The following DPP10 variants were observed in gnomAD, a reference collection of about 807,000 sequenced individuals.
The protein encoded by DPP10 is inactive dipeptidyl peptidase 10.
DPP10 carries 33 observed loss-of-function variants against 120.9 expected under a neutral mutation model. That is an observed-to-expected ratio of 0.27 (90% CI 0.21 to 0.37). DPP10 has a LOEUF of 0.37. Among genes scored for constraint, DPP10 ranks in the 10% least tolerant of loss-of-function variants. The pLI is 1.00. For missense variants in DPP10, 816 were observed against 942.8 expected (o/e 0.87, Z 1.76); for synonymous variants, 337 against 326.1 (o/e 1.03, Z -0.36).
chr2:115,313,469 G>T (rs1472676963), intron 2 of DPP10, among the ~76,000 whole-genome samples: 1 of 152,160 alleles, frequency 6.6e-6, no homozygotes, highest in Non-Finnish European at 1.5e-5. Flanking sequence ...ATGAAATATG[G>T]TGGGCTCTTT....
At chr2:115,585,231 A>G (rs2082216964) in intron 5 of DPP10, among the ~76,000 whole-genome samples, 1 of 152,192 alleles carries the variant, frequency 6.6e-6, no homozygotes, top group Admixed American at 6.5e-5. Context: ...AAGTAAATTA[A>G]TCAGTTTAGG....
intron 5 of DPP10, among the ~76,000 whole-genome samples, chr2:115,659,685 A>G (rs2088735554): frequency 6.6e-6 from 1 of 152,186 alleles, no homozygotes; most frequent in Non-Finnish European, 1.5e-5. Context: ...ATAATAAGGT[A>G]GGTTTTTGTA....
rs141966969 is a variant in DPP10 at position 115,775,090 on chromosome 2, C to T, written c.1222-2118C>T. Among the ~76,000 whole-genome samples, 11 of 151,830 alleles carry T rather than the reference C, an allele frequency of 7.2e-5. No homozygotes were observed. The East Asian group carries it at 1.2e-3, about 16-fold the overall frequency. ...GAACTAAATGAGAATACTACATATA[C>T]GAAAATATGCAATACATATAAACAA... On this transcript the variant is annotated intron_variant, in intron 13 of 25. Transcript: ENST00000410059.
chr2:115,472,721 T>C (rs1423680394), intron 3 of DPP10, among the ~76,000 whole-genome samples: 2 of 152,244 alleles, frequency 1.3e-5, no homozygotes, highest in Admixed American at 1.3e-4. Flanking sequence ...ATTTCTTTAT[T>C]TCAAGTATAT....
chr2:115,233,705 T>G (rs555338123), intron 1 of DPP10, among the ~76,000 whole-genome samples: 1 of 152,314 alleles, frequency 6.6e-6, no homozygotes, highest in African/African-American at 2.4e-5. Context: ...CAGCAGAGTC[T>G]GCCACAATAA....
At chr2:114,867,492 T>C (rs1226891493) in intron 1 of DPP10, among the ~76,000 whole-genome samples, 1 of 152,242 alleles carries the variant, frequency 6.6e-6, no homozygotes, top group African/African-American at 2.4e-5. Flanking sequence ...CATCCAATTA[T>C]GTCGCTACAA....
chr2:114,445,520 G>T (rs549296567), intron 1 of DPP10, among the ~76,000 whole-genome samples: 203 of 148,720 alleles, frequency 1.4e-3, no homozygotes, highest in Non-Finnish European at 2.5e-3. Flanking sequence ...TGTGCAGGAG[G>T]AGGAAAAACA....
intron 1 of DPP10, among the ~76,000 whole-genome samples, chr2:114,643,908 T>C (rs974809895): frequency 6.8e-6 from 1 of 147,680 alleles, no homozygotes; most frequent in Non-Finnish European, 1.5e-5. Flanking sequence ...TGTGTATATA[T>C]ATATGTGTGT....
intron 3 of DPP10, among the ~76,000 whole-genome samples, chr2:115,494,004 A>G (rs570752912): frequency 5.9e-5 from 9 of 152,230 alleles, no homozygotes; most frequent in South Asian, 4.2e-4. Context: ...GCTGGGGTAC[A>G]GTGGTGCAAC....
At chr2:115,620,075 C>T (rs1024935693) in intron 5 of DPP10, among the ~76,000 whole-genome samples, 10 of 152,110 alleles carry the variant, frequency 6.6e-5, no homozygotes, top group South Asian at 2.1e-4. Context: ...CACTGCTGTT[C>T]GTTGCAATAT....
intron 1 of DPP10, among the ~76,000 whole-genome samples, chr2:115,240,924 A>G (rs1056073153): frequency 6.6e-6 from 1 of 152,214 alleles, no homozygotes; most frequent in African/African-American, 2.4e-5. Flanking sequence ...CTAAAGTTGT[A>G]ATGTGACATA....
At chr2:115,306,981 A>C (rs1005998734) in intron 1 of DPP10, among the ~76,000 whole-genome samples, 1 of 152,112 alleles carries the variant, frequency 6.6e-6, no homozygotes, top group African/African-American at 2.4e-5. Context: ...AGAAATATTT[A>C]TCTTTACAAG....
chr2:115,107,040 A>C (rs1185121096), intron 1 of DPP10, among the ~76,000 whole-genome samples: 1 of 150,738 alleles, frequency 6.6e-6, no homozygotes, highest in Non-Finnish European at 1.5e-5. Flanking sequence ...GAGCCACTGC[A>C]CTCCAGCCTG....
At chr2:115,715,293 C>T (rs1278517803) in intron 7 of DPP10, among the ~76,000 whole-genome samples, 1 of 131,886 alleles carries the variant, frequency 7.6e-6, no homozygotes, top group Non-Finnish European at 1.5e-5. Context: ...GAGCCGAGAT[C>T]GCGCCAATGC....
chr2:114,742,766 A>G (rs1005466074), intron 1 of DPP10, among the ~76,000 whole-genome samples: 3 of 152,204 alleles, frequency 2.0e-5, no homozygotes, highest in South Asian at 2.1e-4. Context: ...CACCATGTAC[A>G]TAATCATTTT....
At chr2:114,633,286 C>G (rs940500267) in intron 1 of DPP10, among the ~76,000 whole-genome samples, 3 of 108,406 alleles carry the variant, frequency 2.8e-5, no homozygotes, top group Non-Finnish European at 5.0e-5. Flanking sequence ...GAGTCTCGCT[C>G]TATCACCCAG....
chr2:114,562,005 TTGAGGAGAG>T (rs1688804906), intron 1 of DPP10, among the ~76,000 whole-genome samples: 1 of 152,224 alleles, frequency 6.6e-6, no homozygotes, highest in Non-Finnish European at 1.5e-5. Flanking sequence ...CGGGTTAATT[TTGAGGAGAG>T]TGATAAACTC....
Position 115,623,091 on chromosome 2 carries a change from C to T in DPP10, c.442-66596C>T, listed in dbSNP as rs554829199. 1.6e-4 allele frequency among the ~76,000 whole-genome samples: 24 copies of T among 152,140 alleles called. 1 individual carries two copies. The South Asian group carries it at 3.7e-3, about 24-fold the overall frequency. Reference sequence around the variant, plus strand: ...CGATCTCCTGACCTCGTGATCCGCCCGCCTCGGCCTCCCAAAGTGCTGGGA... The same window carrying T: ...CGATCTCCTGACCTCGTGATCCGCCTGCCTCGGCCTCCCAAAGTGCTGGGA... On this transcript the variant is annotated intron_variant, in intron 5 of 25. Transcript: ENST00000410059.
chr2:114,877,793 A>G (rs760667509), intron 1 of DPP10, among the ~76,000 whole-genome samples: 1 of 152,006 alleles, frequency 6.6e-6, no homozygotes, highest in African/African-American at 2.4e-5. Flanking sequence ...CCCCGTTAAC[A>G]TGGGAAAATT....
Sources: allele counts gnomAD v4.1 joint callset (sites outside exome capture counted in the v4.1 genomes callset), GRCh38; gene constraint gnomAD v4.1.1; transcripts MANE v1.5; gene names NCBI Gene and HGNC (gene_info 2026-07-23, HGNC 2026-07-21).